Variants in LRRTM3 observed in about 807,000 individuals in gnomAD.
LRRTM3 encodes the protein leucine rich repeat transmembrane neuronal 3, also known as leucine-rich repeat transmembrane neuronal protein 3.
LRRTM3 carries 24 observed loss-of-function variants against 44.7 expected under a neutral mutation model. The ratio of observed to expected loss-of-function variants is 0.54; its 90% CI spans 0.39 to 0.76. The LOEUF (loss-of-function observed/expected upper bound fraction) is 0.76, where lower values mean the gene tolerates loss of function less well. LRRTM3 is among the 30% of genes least tolerant of loss of function. LRRTM3 has a pLI of 0.00. For synonymous variants in LRRTM3, 277 were observed against 278.7 expected (o/e 0.99, Z 0.06); for missense variants, 587 against 702.2 (o/e 0.84, Z 1.85).
At chr10:67,031,858 T>C (rs1358411055) in intron 2 of LRRTM3, among the ~76,000 whole-genome samples, 1 of 152,206 alleles carries the variant, frequency 6.6e-6, no homozygotes, top group East Asian at 1.9e-4. Context: ...TTGAGCAGCC[T>C]CTTTTATTGG....
intron 2 of LRRTM3, among the ~76,000 whole-genome samples, chr10:66,993,162 C>T (rs561040925): frequency 2.0e-5 from 3 of 152,202 alleles, no homozygotes; most frequent in African/African-American, 7.2e-5. Context: ...AATGGGAGCT[C>T]AGCTGGGGTT....
intron 2 of LRRTM3, chr10:67,015,162 A>G (rs1401324334): frequency 6.6e-6 from 1 of 152,130 alleles, no homozygotes; most frequent in African/African-American, 2.4e-5. Flanking sequence ...ACCTCTTCCA[A>G]TATTACCTTG....
intron 2 of LRRTM3, among the ~76,000 whole-genome samples, chr10:66,953,353 T>C (rs566993656): frequency 6.6e-6 from 1 of 152,308 alleles, no homozygotes; most frequent in Admixed American, 6.5e-5. Flanking sequence ...CCCTAGTAAA[T>C]GCTCACTGCC....
At chr10:67,052,520 T>C (rs1038510444) in intron 2 of LRRTM3, 1 of 152,180 alleles carries the variant, frequency 6.6e-6, no homozygotes, top group Non-Finnish European at 1.5e-5. Context: ...AGAGAGCACA[T>C]GGTGATCAAG....
intron 2 of LRRTM3, among the ~76,000 whole-genome samples, chr10:67,089,648 C>T (rs1284444487): frequency 6.6e-6 from 1 of 151,688 alleles, no homozygotes; most frequent in Non-Finnish European, 1.5e-5. Flanking sequence ...CCTCATTTGG[C>T]ACACATAAAG....
At chr10:67,049,769 G>C (rs1854969394) in intron 2 of LRRTM3, among the ~76,000 whole-genome samples, 1 of 152,180 alleles carries the variant, frequency 6.6e-6, no homozygotes, top group Non-Finnish European at 1.5e-5. Flanking sequence ...CACAGATTCT[G>C]TGTAGTAGCA....
chr10:67,003,243 C>T (rs569443180), intron 2 of LRRTM3, among the ~76,000 whole-genome samples: 96 of 152,232 alleles, frequency 6.3e-4, no homozygotes, highest in African/African-American at 2.1e-3. Context: ...GGGGAATAAA[C>T]GAAATTAATG....
At chr10:66,987,145 T>C (rs1850775706) in intron 2 of LRRTM3, among the ~76,000 whole-genome samples, 1 of 152,148 alleles carries the variant, frequency 6.6e-6, no homozygotes, top group East Asian at 1.9e-4. Context: ...GCCACGTGCG[T>C]AGGTTTTGAA....
At chr10:67,016,567 C>T (rs1334443304) in intron 2 of LRRTM3, among the ~76,000 whole-genome samples, 3 of 152,084 alleles carry the variant, frequency 2.0e-5, no homozygotes, top group Admixed American at 6.6e-5. Flanking sequence ...GAGTCTCAGG[C>T]GGGATTTCTA....
intron 2 of LRRTM3, among the ~76,000 whole-genome samples, chr10:66,934,012 G>A (rs1326342879): frequency 6.6e-6 from 1 of 152,052 alleles, no homozygotes; most frequent in African/African-American, 2.4e-5. Context: ...ATAGGGTCAT[G>A]AATGGACGCT....
At chr10:67,070,549 C>T (rs1474272052) in intron 2 of LRRTM3, among the ~76,000 whole-genome samples, 4 of 152,006 alleles carry the variant, frequency 2.6e-5, no homozygotes, top group African/African-American at 9.7e-5. Context: ...GAGATCGAGA[C>T]CATCTTGGCC....
At chr10:66,942,548 GTCTCTCTCTCTCTC>G in intron 2 of LRRTM3, among the ~76,000 whole-genome samples, 1 of 148,128 alleles carries the variant, frequency 6.8e-6, no homozygotes, top group South Asian at 2.2e-4. Context: ...TTGCCATAAT[GTCTCTCTCTCTCTC>G]TCTCTCTCTC....
intron 2 of LRRTM3, among the ~76,000 whole-genome samples, chr10:67,079,362 A>G (rs145589663): frequency 6.6e-6 from 1 of 152,356 alleles, no homozygotes; most frequent in East Asian, 1.9e-4. Context: ...GAAGGAACAC[A>G]GCGATAGGGC....
At chr10:67,073,914 G>C (rs1856595156) in intron 2 of LRRTM3, among the ~76,000 whole-genome samples, 1 of 151,890 alleles carries the variant, frequency 6.6e-6, no homozygotes, top group Non-Finnish European at 1.5e-5. Flanking sequence ...AGTAACTTTT[G>C]ACCAATAACA....
chr10:66,948,194 G>A (rs972041114), intron 2 of LRRTM3, among the ~76,000 whole-genome samples: 7 of 152,122 alleles, frequency 4.6e-5, no homozygotes, highest in Non-Finnish European at 5.9e-5. Flanking sequence ...GGCTCTTCTC[G>A]AAATTCTCAA....
intron 2 of LRRTM3, among the ~76,000 whole-genome samples, chr10:67,049,021 T>C (rs1369427384): frequency 1.1e-5 from 1 of 88,230 alleles, no homozygotes; most frequent in African/African-American, 4.5e-5. Context: ...AAATTTATGA[T>C]GATAACTGGT....
Position 66,968,308 on chromosome 10 carries a change from T to C in LRRTM3, c.1536+39856T>C, listed in dbSNP as rs1007880329. On this transcript the variant is annotated intron_variant, in intron 2 of 2. Transcript: ENST00000361320. ...ATTCTACAGTATGGCAAGTAAGGAATATCAGACACTATTTTAGAGTATATA... is the reference window on the plus strand; with the variant it reads ...ATTCTACAGTATGGCAAGTAAGGAACATCAGACACTATTTTAGAGTATATA... Among the ~76,000 whole-genome samples the C allele has an allele frequency of 6.0e-5, 9 of 150,988 alleles. No homozygotes were observed. The South Asian group carries it at 1.5e-3, about 24-fold the overall frequency.
At chr10:67,049,757 T>C (rs1854968423) in intron 2 of LRRTM3, among the ~76,000 whole-genome samples, 2 of 152,200 alleles carry the variant, frequency 1.3e-5, no homozygotes, top group African/African-American at 4.8e-5. Context: ...AAATTACTAC[T>C]GCACAGATTC....
chr10:67,038,947 C>T (rs1349816708), intron 2 of LRRTM3, among the ~76,000 whole-genome samples: 1 of 151,916 alleles, frequency 6.6e-6, no homozygotes, highest in Non-Finnish European at 1.5e-5. Context: ...AAAAAATAGT[C>T]TTTTGAGAAG....
Sources: gnomAD v4.1 joint callset for allele counts (sites outside exome capture counted in the v4.1 genomes callset) on GRCh38, gnomAD v4.1.1 for gene constraint, MANE v1.5 for transcripts, NCBI Gene and HGNC (gene_info 2026-07-23, HGNC 2026-07-21) for gene names.